CAMTA1: variants seen among roughly 807,000 people sequenced by gnomAD.
CAMTA1 encodes the protein calmodulin-binding transcription activator 1.
CAMTA1 carries 27 observed loss-of-function variants against 170.9 expected under a neutral mutation model. The ratio of observed to expected loss-of-function variants is 0.16; its 90% CI spans 0.12 to 0.22. The LOEUF is 0.22. Among genes scored for constraint, CAMTA1 ranks in the 10% least tolerant of loss-of-function variants. CAMTA1 has a pLI of 1.00. For synonymous variants in CAMTA1, 833 were observed against 891.5 expected (o/e 0.93, Z 1.17); for missense variants, 1,619 against 2,217.2 (o/e 0.73, Z 5.42).
Position 7,736,374 on chromosome 1 carries a change from T to C in CAMTA1, c.3097T>C (p.Cys1033Arg). Residue 1033 changes from cysteine (C) to arginine (R), a missense_variant, in exon 13 of 23, where the codon TGC (cysteine) becomes CGC (arginine). Physicochemically the swap from Cys to Arg is radical, Grantham distance 180. Around this residue, in one of 8 missense-constraint regions of CAMTA1, gnomAD observed 143 missense variants for 184.2 expected, o/e 0.78. Transcript: ENST00000303635. This position sits in a 1 kb window ranked among gnomAD's most constrained non-coding sequence, Gnocchi z 4.5. ...TTCTGGGACTGGGGCCTTGGGGAGC[T>C]GCTTTGAGAGCCGTGTGGTCGTGGT... ...CASGTGALGS[C>R]FESRVVVVCE... is the part of the protein sequence containing the mutation. The C allele has an allele frequency of 6.2e-7, 1 of 1,614,134 alleles. No individual in the cohort carries two copies. The highest frequency in any genetic ancestry group is 8.5e-7 in the Non-Finnish European group (1 of 1,180,016).
At chr1:7,122,226 C>T (rs1208585525) in intron 4 of CAMTA1, among the ~76,000 whole-genome samples, 1 of 152,092 alleles carries the variant, frequency 6.6e-6, no homozygotes, top group Non-Finnish European at 1.5e-5. Context: ...CCTGTCCCCA[C>T]TGTCCCTGTC....
chr1:7,312,306 G>GA lies in CAMTA1; in HGVS notation c.438+62690dup, dbSNP rs372414677. Among the ~76,000 whole-genome samples the GA allele has an allele frequency of 3.6e-3, 520 of 145,956 alleles. 3 individuals carry two copies. The highest frequency in any genetic ancestry group is 0.014 in the Middle Eastern group (4 of 286). On this transcript the variant is annotated intron_variant, in intron 5 of 22. Coordinates refer to ENST00000303635, the MANE Select transcript of CAMTA1 (RefSeq NM_015215.4). ...CTGCAGTGCAAGTGAATGGATAAAA[G>GA]AAAAAAAAAACAAAAAACGGGATTT...
intron 5 of CAMTA1, among the ~76,000 whole-genome samples, chr1:7,250,445 G>A (rs1181365298): frequency 1.3e-5 from 2 of 152,198 alleles, no homozygotes; most frequent in Non-Finnish European, 2.9e-5. Context: ...GCATTGCCTT[G>A]GGCCCGGAGC....
At position 7,340,477 on chromosome 1, in the gene CAMTA1, G is replaced by A. The variant is rs534400346; in HGVS notation, c.438+90851G>A. Among the ~76,000 whole-genome samples the A allele has an allele frequency of 8.6e-5, 13 of 151,972 alleles. No homozygotes were observed. The East Asian group carries it at 2.0e-3, about 23-fold the overall frequency. On this transcript the variant is annotated intron_variant, in intron 5 of 22. Transcript: ENST00000303635. The stretch of plus-strand genomic sequence containing the variant: ...TATGGAGAGACCAAGACTAGGGGAG[G>A]GCCCAGGAAGTAGCCCTTTCCCAAA...
intron 11 of CAMTA1, among the ~76,000 whole-genome samples, chr1:7,687,043 G>C (rs1249588279): frequency 1.3e-5 from 2 of 152,064 alleles, no homozygotes; most frequent in Non-Finnish European, 2.9e-5. Flanking sequence ...ATTGCGGTCT[G>C]AAAGTCTGGA....
At chr1:6,871,976 T>C (rs1416955255) in intron 3 of CAMTA1, 2 of 1,225,296 alleles carry the variant, frequency 1.6e-6, no homozygotes, top group Non-Finnish European at 2.1e-6. Context: ...TGCAAAATGC[T>C]GTCTTCATTT....
chr1:7,682,700 C>T lies in CAMTA1; in HGVS notation c.2914+4967C>T, dbSNP rs895973947. Among the ~76,000 whole-genome samples, 4 of 152,234 alleles carry T rather than the reference C, an allele frequency of 2.6e-5. No homozygotes were observed. Among genetic ancestry groups the T allele is most frequent in the Admixed American group, 6.5e-5 (1 of 15,288 alleles). ...GCCATTCTAGCTGGGACACTGGTCC[C>T]TGGGAGGCCTCTGGGTGCTTCTTCC... On this transcript the variant is annotated intron_variant, in intron 11 of 22. Coordinates refer to ENST00000303635, the MANE Select transcript of CAMTA1 (RefSeq NM_015215.4). The surrounding 1 kb of genome is among the most constrained non-coding windows in gnomAD (Gnocchi z 5.0).
chr1:7,663,022 G>A (rs969513564), intron 8 of CAMTA1, among the ~76,000 whole-genome samples: 16 of 152,176 alleles, frequency 1.1e-4, no homozygotes, highest in African/African-American at 3.9e-4. Context: ...GATGGCGGAG[G>A]GGACTTTCCT....
intron 11 of CAMTA1, among the ~76,000 whole-genome samples, chr1:7,704,568 G>A (rs2096485258): frequency 6.7e-6 from 1 of 148,628 alleles, no homozygotes; most frequent in Non-Finnish European, 1.5e-5. Flanking sequence ...CAGTCCCCGC[G>A]CCGAGCGGCT....
intron 6 of CAMTA1, among the ~76,000 whole-genome samples, chr1:7,488,717 A>C (rs1015776113): frequency 9.2e-5 from 14 of 152,156 alleles, no homozygotes; most frequent in Non-Finnish European, 1.6e-4. Flanking sequence ...ATGCATACAT[A>C]CCCATAGTAC....
chr1:7,621,093 T>G (rs994430075), intron 6 of CAMTA1, among the ~76,000 whole-genome samples: 1 of 151,650 alleles, frequency 6.6e-6, no homozygotes, highest in African/African-American at 2.4e-5. Flanking sequence ...GGCCCAACAG[T>G]GGAGAAAAGG....
chr1:7,131,784 G>A (rs78846718), intron 4 of CAMTA1, among the ~76,000 whole-genome samples: 1 of 152,076 alleles, frequency 6.6e-6, no homozygotes, highest in East Asian at 1.9e-4. Context: ...GGCCGGGCTT[G>A]GTGGCTCACG....
At chr1:7,632,098 G>A (rs934847497) in intron 6 of CAMTA1, among the ~76,000 whole-genome samples, 6 of 152,142 alleles carry the variant, frequency 3.9e-5, no homozygotes, top group East Asian at 1.9e-4. Context: ...TTGCACACCC[G>A]TTTCACAGGC....
At chr1:6,816,417 T>G (rs1171309793) in intron 1 of CAMTA1, among the ~76,000 whole-genome samples, 2 of 152,148 alleles carry the variant, frequency 1.3e-5, no homozygotes, top group Non-Finnish European at 2.9e-5. Context: ...CTGGTACATG[T>G]TAGGTGCTCC....
chr1:7,631,013 T>G (rs1221230912), intron 6 of CAMTA1, among the ~76,000 whole-genome samples: 1 of 152,206 alleles, frequency 6.6e-6, no homozygotes, highest in Non-Finnish European at 1.5e-5. Context: ...GGGACCTAGA[T>G]CTGTACCCCA....
At chr1:7,334,565 C>T (rs1050450875) in intron 5 of CAMTA1, among the ~76,000 whole-genome samples, 2 of 152,218 alleles carry the variant, frequency 1.3e-5, no homozygotes, top group African/African-American at 4.8e-5. Flanking sequence ...GCTTCCGGGG[C>T]TTTGCATGTG....
In CAMTA1 at chr1:7,570,156, G is replaced by C. The variant is rs925146852; in HGVS notation, c.511-70244G>C. 5.0e-5 allele frequency among the ~76,000 whole-genome samples: 6 copies of C among 120,370 alleles called. No individual in the cohort carries two copies. Among genetic ancestry groups the C allele is most frequent in the African/African-American group, 1.6e-4 (5 of 31,526 alleles). The allele number at this position is 120,370 out of a possible 152,430, so 79.0% of individuals were successfully genotyped here. A position where few individuals can be genotyped will look rare whatever the true frequency, so the allele number is the denominator to read the frequency against. Reference sequence around the variant, plus strand: ...ATCAGGGATCCCTTGCTGGGCACTGGGGGGATCCAAAACTCCCTGCAGGAC... The same window carrying C: ...ATCAGGGATCCCTTGCTGGGCACTGCGGGGATCCAAAACTCCCTGCAGGAC... On this transcript the variant is annotated intron_variant, in intron 6 of 22. Transcript: ENST00000303635. The surrounding 1 kb of genome is among the most constrained non-coding windows in gnomAD (Gnocchi z 4.3).
intron 3 of CAMTA1, among the ~76,000 whole-genome samples, chr1:7,038,229 C>T (rs888999052): frequency 6.6e-6 from 1 of 152,028 alleles, no homozygotes; most frequent in African/African-American, 2.4e-5. Context: ...AGAAATTTTT[C>T]CTATAAAAAT....
At chr1:7,055,657 G>T (rs1308872122) in intron 3 of CAMTA1, among the ~76,000 whole-genome samples, 1 of 152,230 alleles carries the variant, frequency 6.6e-6, no homozygotes, top group Non-Finnish European at 1.5e-5. Context: ...TGAGTGTCCT[G>T]TGATACCTTC....
Sources: allele counts gnomAD v4.1 joint callset (sites outside exome capture counted in the v4.1 genomes callset), GRCh38; gene constraint gnomAD v4.1.1; regional missense constraint gnomAD v4.1.1; non-coding constraint Gnocchi (gnomAD v3.1); transcripts MANE v1.5; gene names NCBI Gene and HGNC (gene_info 2026-07-23, HGNC 2026-07-21).